HDAC3: variants seen among roughly 807,000 people sequenced by gnomAD.
The protein encoded by HDAC3 is SMAP45.
A neutral mutation model predicts 62.3 loss-of-function variants in HDAC3; 21 were observed. The ratio of observed to expected loss-of-function variants is 0.34; its 90% CI spans 0.24 to 0.49. HDAC3 has a LOEUF of 0.49. Ranked by LOEUF, HDAC3 falls within the 20% of genes least tolerant of loss-of-function variation. The probability of loss-of-function intolerance (pLI) is 0.99; values close to 1 mark genes in which losing one functional copy is unlikely to be tolerated. For missense variants in HDAC3, 270 were observed against 556.9 expected (o/e 0.48, Z 5.19); for synonymous variants, 198 against 206.5 (o/e 0.96, Z 0.35).
In HDAC3 at chr5:141,626,792, A is replaced by ATTATG. The variant is rs2099904496; in HGVS notation, c.831-510_831-509insCATAA. Among the ~76,000 whole-genome samples, 2 of 137,308 alleles carry ATTATG rather than the reference A, an allele frequency of 1.5e-5. No homozygotes were observed. Among genetic ancestry groups the ATTATG allele is most frequent in the Non-Finnish European group, 3.1e-5 (2 of 63,724 alleles). The allele number at this position is 137,308 out of a possible 152,430, so 90.1% of individuals were successfully genotyped here. ...TATGTGTGTGTGTGTGTGTATATAT[A>ATTATG]TATATATACACACACACACACACAC... On this transcript the variant is annotated intron_variant, in intron 10 of 14. Transcript: ENST00000305264. This position sits in a 1 kb window ranked among gnomAD's most constrained non-coding sequence, Gnocchi z 4.6.
At chr5:141,632,652 A>G (rs2099905391) in intron 3 of HDAC3, among the ~76,000 whole-genome samples, 1 of 152,222 alleles carries the variant, frequency 6.6e-6, no homozygotes. Flanking sequence ...AAAAAACAAG[A>G]AACCTCCCCA....
Position 141,628,712 on chromosome 5 carries a change from A to T in HDAC3, c.611-73T>A. On this transcript the variant is annotated intron_variant, in intron 7 of 14. Transcript: ENST00000305264. The surrounding 1 kb of genome is among the most constrained non-coding windows in gnomAD (Gnocchi z 4.7). ...CCCAGCTGTTTCAGCCCCAATCTGCACTCTGGGAGCCTCTCATTCCATCTA... is the reference window on the plus strand; with the variant it reads ...CCCAGCTGTTTCAGCCCCAATCTGCTCTCTGGGAGCCTCTCATTCCATCTA... 2 of 1,074,190 alleles carry T rather than the reference A, an allele frequency of 1.9e-6. No homozygotes were observed. Among genetic ancestry groups the T allele is most frequent in the Admixed American group, 1.9e-5 (1 of 51,652 alleles). The allele number at this position is 1,074,190 out of a possible 1,614,324, so 66.5% of individuals were successfully genotyped here.
chr5:141,624,061 A>T (rs1325750020), intron 14 of HDAC3, among the ~76,000 whole-genome samples: 1 of 151,612 alleles, frequency 6.6e-6, no homozygotes, highest in African/African-American at 2.4e-5. Context: ...AAAAAAAAAA[A>T]ACATAACCAC....
In HDAC3 at chr5:141,626,418, T is replaced by C; in HGVS notation, c.831-135A>G. 4.3e-6 allele frequency: 3 copies of C among 691,018 alleles called. No homozygotes were observed. The highest frequency in any genetic ancestry group is 7.6e-6 in the Non-Finnish European group (3 of 396,602). The allele number at this position is 691,018 out of a possible 1,614,324, so 42.8% of individuals were successfully genotyped here. A position where few individuals can be genotyped will look rare whatever the true frequency, so the allele number is the denominator to read the frequency against. Reference sequence around the variant, plus strand: ...TTTATCTTGATAGTGAAATTCATTATGTTATACCCTTAAGATTTGGGTATA... The same window carrying C: ...TTTATCTTGATAGTGAAATTCATTACGTTATACCCTTAAGATTTGGGTATA... On this transcript the variant is annotated intron_variant, in intron 10 of 14. Coordinates refer to ENST00000305264, the MANE Select transcript of HDAC3 (RefSeq NM_003883.4). This position sits in a 1 kb window ranked among gnomAD's most constrained non-coding sequence, Gnocchi z 4.6.
At position 141,629,452 on chromosome 5, in the gene HDAC3, G is replaced by A. The variant is rs2099904892; in HGVS notation, c.477-146C>T. On this transcript the variant is annotated intron_variant, in intron 6 of 14. Transcript: ENST00000305264. This position sits in a 1 kb window ranked among gnomAD's most constrained non-coding sequence, Gnocchi z 5.3. The stretch of plus-strand genomic sequence containing the variant: ...TCACCAGTTCCCTAAAGGCAACTGG[G>A]GGCTCCAGCCTAGAGGCTAGAGGCA... 8.7e-7 allele frequency: 1 copy of A among 1,152,926 alleles called. No individual in the cohort carries two copies. The highest frequency in any genetic ancestry group is 1.5e-5 in the African/African-American group (1 of 64,938). The allele number at this position is 1,152,926 out of a possible 1,614,324, so 71.4% of individuals were successfully genotyped here.
Position 141,628,416 on chromosome 5 carries a change from A to G in HDAC3, c.691+143T>C. ...ACATACACATGATATGTTGCATACA[A>G]TTTCCAGAGATTCATGGTCCCTCTG... On this transcript the variant is annotated intron_variant, in intron 8 of 14. Coordinates refer to ENST00000305264, the MANE Select transcript of HDAC3 (RefSeq NM_003883.4). The surrounding 1 kb of genome is among the most constrained non-coding windows in gnomAD (Gnocchi z 4.7). The G allele has an allele frequency of 3.9e-6, 3 of 768,190 alleles. No homozygotes were observed. The highest frequency in any genetic ancestry group is 2.3e-4 in the Middle Eastern group (1 of 4,408). The allele number at this position is 768,190 out of a possible 1,614,324, so 47.6% of individuals were successfully genotyped here.
intron 3 of HDAC3, among the ~76,000 whole-genome samples, chr5:141,630,582 A>T (rs1339259851): frequency 1.3e-5 from 2 of 152,278 alleles, no homozygotes; most frequent in African/African-American, 2.4e-5. Context: ...AAAAGCCTGT[A>T]GCACAGTATA....
chr5:141,621,596 ACC>A, intron 14 of HDAC3, 59 bp from the exon 15 acceptor site: 1 of 1,453,158 alleles, frequency 6.9e-7, no homozygotes, highest in Non-Finnish European at 9.6e-7. Context: ...TTCTCCCAGC[ACC>A]CTTTTCCAAA....
chr5:141,634,927 T>C lies in HDAC3; in HGVS notation c.165A>G (p.Gln55=), dbSNP rs2530223. The part of the protein sequence containing the change: ...MIVFKPYQAS[Q]HDMCRFHSED... ...CGGAGTGGAAGCGGCACATGTCATGTTGGGAGGCCTGGTATGGCTTGAAGA... is the reference window on the plus strand; with the variant it reads ...CGGAGTGGAAGCGGCACATGTCATGCTGGGAGGCCTGGTATGGCTTGAAGA... The change falls in exon 3 of 15, where the codon CAA becomes CAG. Residue 55 remains glutamine (Q), a synonymous_variant. Coordinates refer to ENST00000305264, the MANE Select transcript of HDAC3 (RefSeq NM_003883.4). 989,621 of 1,613,510 alleles carry C rather than the reference T, an allele frequency of 0.61. 308,611 individuals are homozygous for C. Among genetic ancestry groups the C allele is most frequent in the African/African-American group, 0.85 (63,667 of 74,938 alleles).
chr5:141,625,826 A>G lies in HDAC3; in HGVS notation c.980-62T>C. 1.3e-6 allele frequency: 2 copies of G among 1,504,922 alleles called. No homozygotes were observed. Among genetic ancestry groups the G allele is most frequent in the Non-Finnish European group, 1.9e-6 (2 of 1,080,668 alleles). 93.2% of individuals were successfully genotyped at this position (1,504,922 alleles called of 1,614,324 possible). On this transcript the variant is annotated intron_variant, in intron 12 of 14. Transcript: ENST00000305264. This position sits in a 1 kb window ranked among gnomAD's most constrained non-coding sequence, Gnocchi z 4.0. ...GAAAGGCAGCTAACAAGACTTCCCA[A>G]TCTTTTTCCTTCCCATCCAGAGCAC...
At position 141,628,769 on chromosome 5, in the gene HDAC3, T is replaced by A; in HGVS notation, c.611-130A>T. On this transcript the variant is annotated intron_variant, in intron 7 of 14. Coordinates refer to ENST00000305264, the MANE Select transcript of HDAC3 (RefSeq NM_003883.4). This position sits in a 1 kb window ranked among gnomAD's most constrained non-coding sequence, Gnocchi z 4.7. ...TTCACCATAAACTCCCTAGAGCCACTAAATCTCTTGCAGCTTGCATTCATT... is the reference window on the plus strand; with the variant it reads ...TTCACCATAAACTCCCTAGAGCCACAAAATCTCTTGCAGCTTGCATTCATT... 1 of 670,280 alleles carries A rather than the reference T, an allele frequency of 1.5e-6. No individual in the cohort carries two copies. Among genetic ancestry groups the A allele is most frequent in the Non-Finnish European group, 2.6e-6 (1 of 388,654 alleles). 41.5% of individuals were successfully genotyped at this position (670,280 alleles called of 1,614,324 possible). A position where few individuals can be genotyped will look rare whatever the true frequency, so the allele number is the denominator to read the frequency against.
intron 3 of HDAC3, among the ~76,000 whole-genome samples, chr5:141,634,539 T>G (rs2099905701): frequency 6.6e-6 from 1 of 152,182 alleles, no homozygotes; most frequent in Non-Finnish European, 1.5e-5. Flanking sequence ...ACGTATACAC[T>G]CTCATAATCT....
chr5:141,624,306 C>A (rs1198142972), intron 14 of HDAC3, among the ~76,000 whole-genome samples: 1 of 124,968 alleles, frequency 8.0e-6, no homozygotes, highest in East Asian at 2.6e-4. Context: ...AAGGCTGGGG[C>A]AGGAGGACAT....
chr5:141,634,343 T>C (rs1057268852), intron 3 of HDAC3, among the ~76,000 whole-genome samples: 3 of 152,202 alleles, frequency 2.0e-5, no homozygotes, highest in Non-Finnish European at 4.4e-5. Flanking sequence ...GTTCCTCAAA[T>C]GAGTCATACT....
At position 141,627,966 on chromosome 5, in the gene HDAC3, A is replaced by T; in HGVS notation, c.766-9T>A. 1.2e-6 allele frequency: 2 copies of T among 1,614,176 alleles called. No homozygotes were observed. Among genetic ancestry groups the T allele is most frequent in the Non-Finnish European group, 1.7e-6 (2 of 1,180,032 alleles). ...AGAGAGTCAGCTCCACACTGCAAAA[A>T]GCAAAACCCCAGGAAAGTGCAGTGA... On this transcript the variant is annotated splice_polypyrimidine_tract_variant and intron_variant, in intron 9 of 14. Transcript: ENST00000305264.
chr5:141,625,811 T>A lies in HDAC3; in HGVS notation c.980-47A>T, dbSNP rs762695176. The A allele has an allele frequency of 6.5e-7, 1 of 1,547,842 alleles. No homozygotes were observed. The highest frequency in any genetic ancestry group is 8.9e-7 in the Non-Finnish European group (1 of 1,119,540). The stretch of plus-strand genomic sequence containing the variant: ...TATGGCTCAGACTGAGAAAGGCAGC[T>A]AACAAGACTTCCCAATCTTTTTCCT... On this transcript the variant is annotated intron_variant, in intron 12 of 14. Transcript: ENST00000305264. This position sits in a 1 kb window ranked among gnomAD's most constrained non-coding sequence, Gnocchi z 4.0.
In HDAC3 at chr5:141,628,301, G is replaced by T. The variant is rs2099904730; in HGVS notation, c.692-114C>A. On this transcript the variant is annotated intron_variant, in intron 8 of 14. Transcript: ENST00000305264. The surrounding 1 kb of genome is among the most constrained non-coding windows in gnomAD (Gnocchi z 4.7). ...AGCCCAGGAAAGGGGCCACCCAAAAGAATCAAATCACTGGTCTGAAACTTC... is the reference window on the plus strand; with the variant it reads ...AGCCCAGGAAAGGGGCCACCCAAAATAATCAAATCACTGGTCTGAAACTTC... 3 of 885,570 alleles carry T rather than the reference G, an allele frequency of 3.4e-6. No individual in the cohort carries two copies. Among genetic ancestry groups the T allele is most frequent in the East Asian group, 2.6e-5 (1 of 38,632 alleles). 54.9% of individuals were successfully genotyped at this position (885,570 alleles called of 1,614,324 possible). A position where few individuals can be genotyped will look rare whatever the true frequency, so the allele number is the denominator to read the frequency against.
Position 141,626,089 on chromosome 5 carries a change from AG to A in HDAC3, c.921-19del. 1 of 1,613,630 alleles carries A rather than the reference AG, an allele frequency of 6.2e-7. No homozygotes were observed. Among genetic ancestry groups the A allele is most frequent in the South Asian group, 1.1e-5 (1 of 91,076 alleles). ...CATATGTCCTGAAACCAACCAGCAG[AG>A]GGGAGCAGGCTGACCAAGTGGGCTG... On this transcript the variant is annotated intron_variant, in intron 11 of 14. Coordinates refer to ENST00000305264, the MANE Select transcript of HDAC3 (RefSeq NM_003883.4). This position sits in a 1 kb window ranked among gnomAD's most constrained non-coding sequence, Gnocchi z 4.6.
Position 141,632,361 on chromosome 5 carries a change from A to G in HDAC3, c.282-2236T>C, listed in dbSNP as rs2099905348. Among the ~76,000 whole-genome samples, 3 of 152,062 alleles carry G rather than the reference A, an allele frequency of 2.0e-5. No individual in the cohort carries two copies. The South Asian group carries it at 6.2e-4, about 31-fold the overall frequency. The stretch of plus-strand genomic sequence containing the variant: ...TTTTATTTTTTTCATTTAAAGGCCT[A>G]TAGTACAATTTGGCTACTTATGTTA... On this transcript the variant is annotated intron_variant, in intron 3 of 14. Transcript: ENST00000305264.
Sources: gnomAD v4.1 joint callset for allele counts (sites outside exome capture counted in the v4.1 genomes callset) on GRCh38, gnomAD v4.1.1 for gene constraint, Gnocchi (gnomAD v3.1) non-coding constraint, MANE v1.5 for transcripts, NCBI Gene and HGNC (gene_info 2026-07-23, HGNC 2026-07-21) for gene names.